The following EP400 variants were observed in gnomAD, a reference collection of about 807,000 sequenced individuals.
EP400 encodes E1A-binding protein p400.
A neutral mutation model predicts 354.1 loss-of-function variants in EP400; 105 were observed. The ratio of observed to expected loss-of-function variants is 0.30; its 90% CI spans 0.25 to 0.35. The LOEUF (loss-of-function observed/expected upper bound fraction) is 0.35, where lower values mean the gene tolerates loss of function less well. Ranked by LOEUF, EP400 falls within the 10% of genes least tolerant of loss-of-function variation. EP400 has a pLI of 1.00. For missense variants in EP400, 3,280 were observed against 4,121.0 expected, an observed-to-expected ratio of 0.80 and a Z score of 5.59; for synonymous variants, 1,646 against 1,716.9, an observed-to-expected ratio of 0.96 and a Z score of 1.02.
rs948268073 is a variant in EP400 at position 132,075,898 on chromosome 12, A to T, written c.9022-618A>T. ...CTGGGTGCACGCCATGACGGTGCTG[A>T]TAGGACACACAGGTGGCCCAGAGCC... On this transcript the variant is annotated intron_variant, in intron 51 of 52. Coordinates refer to ENST00000389561, the MANE Select transcript of EP400 (RefSeq NM_015409.5). This position sits in a 1 kb window ranked among gnomAD's most constrained non-coding sequence, Gnocchi z 4.5. The T allele has an allele frequency of 6.0e-6, 1 of 167,980 alleles. No individual in the cohort carries two copies. Among genetic ancestry groups the T allele is most frequent in the African/African-American group, 2.4e-5 (1 of 41,800 alleles). 10.4% of individuals were successfully genotyped at this position (167,980 alleles called of 1,614,324 possible).
At chr12:132,002,081 G>A (rs1468715511) in intron 12 of EP400, among the ~76,000 whole-genome samples, 2 of 152,194 alleles carry the variant, frequency 1.3e-5, no homozygotes, top group African/African-American at 4.8e-5. Context: ...GTTTCCTCTA[G>A]AGAGAGTTTC....
At chr12:132,076,186 A>G (rs959135018) in intron 51 of EP400, 2 of 404,894 alleles carry the variant, frequency 4.9e-6, no homozygotes, top group Non-Finnish European at 4.7e-6. Flanking sequence ...GACTCACAAG[A>G]CGCTCAAATA....
intron 6 of EP400, among the ~76,000 whole-genome samples, chr12:131,987,147 C>T (rs1388852288): frequency 6.6e-6 from 1 of 152,172 alleles, no homozygotes; most frequent in Non-Finnish European, 1.5e-5. Flanking sequence ...CACCAGTCTG[C>T]AGCCCTGTGT....
At chr12:132,010,385 G>A (rs561989510) in intron 15 of EP400, among the ~76,000 whole-genome samples, 3 of 152,136 alleles carry the variant, frequency 2.0e-5, no homozygotes, top group African/African-American at 4.8e-5. Context: ...GCATGCAGCC[G>A]GTTGTGTCTT....
intron 25 of EP400, among the ~76,000 whole-genome samples, chr12:132,026,432 GGTCACTGCCAACCT>G (rs1164416334): frequency 1.3e-5 from 2 of 152,172 alleles, no homozygotes; most frequent in Non-Finnish European, 2.9e-5. Context: ...ATGTTGGGTG[GGTCACTGCCAACCT>G]GTTAGGCTCT....
Position 132,067,547 on chromosome 12 carries a change from G to A in EP400, c.8874+61G>A. The A allele has an allele frequency of 6.3e-7, 1 of 1,578,740 alleles. No individual in the cohort carries two copies. The highest frequency in any genetic ancestry group is 8.6e-7 in the Non-Finnish European group (1 of 1,166,252). ...TGCCAAGCCAAAGCTGGCTGCTGGAGGAGAGGGTCCTAAGCAGACAAATCC... is the reference window on the plus strand; with the variant it reads ...TGCCAAGCCAAAGCTGGCTGCTGGAAGAGAGGGTCCTAAGCAGACAAATCC... On this transcript the variant is annotated intron_variant, in intron 50 of 52. Coordinates refer to ENST00000389561, the MANE Select transcript of EP400 (RefSeq NM_015409.5). This position sits in a 1 kb window ranked among gnomAD's most constrained non-coding sequence, Gnocchi z 5.3.
rs1593318976 is a variant in EP400, at chr12:131,975,332, G to C, written c.1336-4362G>C. Among the ~76,000 whole-genome samples, 4 of 152,298 alleles carry C rather than the reference G, an allele frequency of 2.6e-5. No homozygotes were observed. The South Asian group carries it at 8.3e-4, about 32-fold the overall frequency. ...TCTAGCACCGTTTGTTGAAAAGACT[G>C]TCTGTTCCCCATTGGATTGCCTTAG... is the stretch of plus-strand genomic sequence containing the variant. On this transcript the variant is annotated intron_variant, in intron 2 of 52. Coordinates refer to ENST00000389561, the MANE Select transcript of EP400 (RefSeq NM_015409.5).
chr12:132,061,041 G>C (rs180677242), intron 45 of EP400, among the ~76,000 whole-genome samples: 37 of 152,216 alleles, frequency 2.4e-4, no homozygotes, highest in African/African-American at 8.9e-4. Flanking sequence ...CCAGCTGGAA[G>C]TGGTAACAAG....
intron 2 of EP400, among the ~76,000 whole-genome samples, chr12:131,972,374 C>T (rs1171371224): frequency 2.6e-5 from 4 of 151,936 alleles, no homozygotes; most frequent in East Asian, 1.9e-4. Flanking sequence ...AGGATGGTCT[C>T]GATCTCCTGA....
chr12:132,044,422 G>A lies in EP400; in HGVS notation c.6585+111G>A, dbSNP rs1276427917. ...TACATTGACATGAGAAAATGCCTAG[G>A]AATTTTTACTTCTCATATCAACACA... On this transcript the variant is annotated intron_variant, in intron 35 of 52. Transcript: ENST00000389561. 3.5e-6 allele frequency: 5 copies of A among 1,420,258 alleles called. No individual in the cohort carries two copies. In the Admixed American group the frequency reaches 1.3e-4, roughly 37 times the overall value. 88.0% of individuals were successfully genotyped at this position (1,420,258 alleles called of 1,614,324 possible). A position where few individuals can be genotyped will look rare whatever the true frequency, so the allele number is the denominator to read the frequency against.
At chr12:132,074,687 C>A (rs930659598) in intron 51 of EP400, among the ~76,000 whole-genome samples, 3 of 152,228 alleles carry the variant, frequency 2.0e-5, no homozygotes, top group Non-Finnish European at 4.4e-5. Flanking sequence ...GTACTATATT[C>A]TGAGTCATGT....
intron 1 of EP400, among the ~76,000 whole-genome samples, chr12:131,958,509 A>C (rs1358687252): frequency 1.3e-5 from 2 of 152,202 alleles, no homozygotes; most frequent in African/African-American, 2.4e-5. Flanking sequence ...TCATATATAC[A>C]TGTATTTCAG....
At chr12:131,962,357 C>T (rs1368331977) in intron 2 of EP400, among the ~76,000 whole-genome samples, 1 of 152,154 alleles carries the variant, frequency 6.6e-6, no homozygotes, top group African/African-American at 2.4e-5. Flanking sequence ...AGCCCAGCAC[C>T]CTTTGTCTGG....
chr12:132,007,502 G>A (rs1893624463), intron 15 of EP400, among the ~76,000 whole-genome samples: 1 of 151,460 alleles, frequency 6.6e-6, no homozygotes, highest in Admixed American at 6.5e-5. Flanking sequence ...CCAGTCTTTA[G>A]AGTCAGCTCC....
At chr12:131,962,968 T>A (rs1268617552) in intron 2 of EP400, among the ~76,000 whole-genome samples, 1 of 152,242 alleles carries the variant, frequency 6.6e-6, no homozygotes, top group Non-Finnish European at 1.5e-5. Flanking sequence ...CATTTTGTGT[T>A]TTCTTTTAAC....
chr12:131,956,734 A>G (rs1891713808), intron 1 of EP400, among the ~76,000 whole-genome samples: 1 of 152,088 alleles, frequency 6.6e-6, no homozygotes, highest in South Asian at 2.1e-4. Flanking sequence ...CAGTTGTCTG[A>G]TTTAATGTCT....
intron 9 of EP400, among the ~76,000 whole-genome samples, chr12:131,991,081 C>T (rs1024012124): frequency 2.0e-5 from 3 of 152,180 alleles, no homozygotes; most frequent in African/African-American, 7.2e-5. Flanking sequence ...TCGTTATGTG[C>T]CACTCCACTT....
intron 1 of EP400, among the ~76,000 whole-genome samples, chr12:131,956,111 C>T (rs930519413): frequency 6.6e-6 from 1 of 152,178 alleles, no homozygotes; most frequent in African/African-American, 2.4e-5. Flanking sequence ...CCCCACCATT[C>T]TCCTTGTCCG....
chr12:131,991,579 T>TC, intron 10 of EP400, 123 bp downstream of exon 10: 2 of 685,940 alleles, frequency 2.9e-6, no homozygotes, highest in Admixed American at 3.1e-5. Context: ...TTCTTTTCTT[T>TC]TTTTTTTTTT....
Sources: allele counts gnomAD v4.1 joint callset (sites outside exome capture counted in the v4.1 genomes callset), GRCh38; gene constraint gnomAD v4.1.1; non-coding constraint Gnocchi (gnomAD v3.1); transcripts MANE v1.5; gene names NCBI Gene and HGNC (gene_info 2026-07-23, HGNC 2026-07-21).